ATP2B2: variants seen among roughly 807,000 people sequenced by gnomAD.
ATP2B2 encodes ATPase plasma membrane Ca2+ transporting 2, also known as plasma membrane calcium-transporting ATPase 2.
A neutral mutation model predicts 120.0 loss-of-function variants in ATP2B2; 15 were observed. The observed-to-expected ratio is 0.12, with a 90% confidence interval of 0.08 to 0.19. The LOEUF is 0.19. ATP2B2 is among the 10% of genes least tolerant of loss of function. The pLI, the probability that ATP2B2 is intolerant of heterozygous loss-of-function variation, is 1.00. For synonymous variants in ATP2B2, 694 were observed against 700.3 expected, an observed-to-expected ratio of 0.99 and a Z score of 0.14; for missense variants, 1,045 against 1,719.8, an observed-to-expected ratio of 0.61 and a Z score of 6.94.
chr3:10,541,045 T>C (rs1307653960), intron 2 of ATP2B2, among the ~76,000 whole-genome samples: 1 of 152,188 alleles, frequency 6.6e-6, no homozygotes, highest in Non-Finnish European at 1.5e-5. Context: ...TAAATTTATA[T>C]GTGCAGAGTT....
intron 3 of ATP2B2, among the ~76,000 whole-genome samples, chr3:10,531,878 G>A (rs34004843): frequency 0.013 from 1,937 of 152,142 alleles, 31 homozygotes; most frequent in Admixed American, 0.042. Flanking sequence ...GTCCTCCATC[G>A]CTGCCCTTGG....
intron 1 of ATP2B2, among the ~76,000 whole-genome samples, chr3:10,478,780 T>C (rs1440655001): frequency 6.6e-6 from 1 of 152,256 alleles, no homozygotes; most frequent in African/African-American, 2.4e-5. Context: ...AGGTGACTGC[T>C]GTGGCCTCTA....
chr3:10,360,770 A>G (rs758263329), intron 12 of ATP2B2, among the ~76,000 whole-genome samples: 1 of 152,226 alleles, frequency 6.6e-6, no homozygotes, highest in Non-Finnish European at 1.5e-5. Context: ...CCGGCTTTAC[A>G]TGAGCTTGTG....
At chr3:10,550,534 G>A (rs1489602565) in intron 2 of ATP2B2, among the ~76,000 whole-genome samples, 3 of 152,030 alleles carry the variant, frequency 2.0e-5, no homozygotes, top group Non-Finnish European at 4.4e-5. Flanking sequence ...AAGGTCTAGT[G>A]CCCTCTGAAG....
intron 22 of ATP2B2, among the ~76,000 whole-genome samples, chr3:10,337,811 C>T (rs529839837): frequency 2.6e-5 from 4 of 152,112 alleles, no homozygotes; most frequent in East Asian, 1.9e-4. Flanking sequence ...CAGCCTCACA[C>T]GGCCCCTGTG....
chr3:10,655,737 T>C (rs1055832233), intron 1 of ATP2B2, among the ~76,000 whole-genome samples: 7 of 152,200 alleles, frequency 4.6e-5, no homozygotes, highest in African/African-American at 1.7e-4. Flanking sequence ...TTCTCTCTAT[T>C]TCTTCCTACT....
intron 1 of ATP2B2, among the ~76,000 whole-genome samples, chr3:10,697,464 G>A (rs978552823): frequency 6.6e-6 from 1 of 152,158 alleles, no homozygotes; most frequent in African/African-American, 2.4e-5. Context: ...ATAAGTATAA[G>A]GACAATACCC....
intron 22 of ATP2B2, among the ~76,000 whole-genome samples, chr3:10,333,877 T>A (rs749563944): frequency 2.0e-5 from 3 of 152,198 alleles, no homozygotes; most frequent in African/African-American, 7.2e-5. Flanking sequence ...TCCAAGACTG[T>A]TCCAAAGTTG....
intron 1 of ATP2B2, among the ~76,000 whole-genome samples, chr3:10,665,823 G>A (rs979141354): frequency 2.0e-5 from 3 of 152,264 alleles, no homozygotes; most frequent in African/African-American, 7.2e-5. Context: ...ATCAGAGCTG[G>A]CAGCAGAGGG....
Position 10,328,296 on chromosome 3 carries a change from T to C in ATP2B2, c.*518A>G, listed in dbSNP as rs1295121110. The C allele has an allele frequency of 6.5e-6, 1 of 154,204 alleles. No individual in the cohort carries two copies. Among genetic ancestry groups the C allele is most frequent in the Non-Finnish European group, 1.4e-5 (1 of 69,210 alleles). The allele number at this position is 154,204 out of a possible 1,614,324, so 9.6% of individuals were successfully genotyped here. A position where few individuals can be genotyped will look rare whatever the true frequency, so the allele number is the denominator to read the frequency against. On this transcript the variant is annotated 3_prime_UTR_variant, in exon 23 of 23. Transcript: ENST00000360273. ...AAGCTCTGCAATTTCAAAAAGTTAT[T>C]AAATTAATCTATACAACTGAGACCA... is the stretch of plus-strand genomic sequence containing the variant.
At chr3:10,431,064 G>A (rs2063300630) in intron 2 of ATP2B2, among the ~76,000 whole-genome samples, 1 of 152,060 alleles carries the variant, frequency 6.6e-6, no homozygotes, top group Non-Finnish European at 1.5e-5. Context: ...GTGAATTGCT[G>A]CAATCTTGTG....
intron 2 of ATP2B2, among the ~76,000 whole-genome samples, chr3:10,570,742 A>G (rs1158487153): frequency 6.6e-6 from 1 of 152,140 alleles, no homozygotes; most frequent in African/African-American, 2.4e-5. Context: ...ACCCAGCCCA[A>G]AACTCCATTG....
At chr3:10,457,034 G>T (rs1425948282) in intron 1 of ATP2B2, among the ~76,000 whole-genome samples, 1 of 152,222 alleles carries the variant, frequency 6.6e-6, no homozygotes, top group Non-Finnish European at 1.5e-5. Context: ...GCACGTGTGT[G>T]TAAGGAGGGA....
At chr3:10,395,317 C>T (rs1279272740) in intron 5 of ATP2B2, among the ~76,000 whole-genome samples, 1 of 152,208 alleles carries the variant, frequency 6.6e-6, no homozygotes, top group Non-Finnish European at 1.5e-5. Context: ...CCACATGGAT[C>T]CTGGCCTGGA....
Position 10,325,328 on chromosome 3 carries a change from C to A in ATP2B2, c.*3486G>T, listed in dbSNP as rs1274544520. On this transcript the variant is annotated 3_prime_UTR_variant, in exon 23 of 23. Transcript: ENST00000360273. ...AAGAGTGAAGGGACTCATCCCACCA[C>A]ATAATAAGACATTAGAAATTGACAA... 6.6e-6 allele frequency: 1 copy of A among 152,148 alleles called. No individual in the cohort carries two copies. Among genetic ancestry groups the A allele is most frequent in the African/African-American group, 2.4e-5 (1 of 41,410 alleles). The allele number at this position is 152,148 out of a possible 1,614,324, so 9.4% of individuals were successfully genotyped here. A position where few individuals can be genotyped will look rare whatever the true frequency, so the allele number is the denominator to read the frequency against.
rs533717030 is a variant in ATP2B2 at position 10,415,047 on chromosome 3, A to G, written c.200-4232T>C. On this transcript the variant is annotated intron_variant, in intron 2 of 22. Transcript: ENST00000360273. The stretch of plus-strand genomic sequence containing the variant: ...TCACTCCCCTCTTCTCAGTGGAAGA[A>G]CAGCCAAGCCGGAGCTGAGGAAACC... 2.0e-5 allele frequency among the ~76,000 whole-genome samples: 3 copies of G among 152,290 alleles called. No homozygotes were observed. In the East Asian group the frequency reaches 5.8e-4, roughly 29 times the overall value.
intron 2 of ATP2B2, among the ~76,000 whole-genome samples, chr3:10,547,086 G>A (rs560411255): frequency 1.3e-5 from 2 of 152,266 alleles, no homozygotes; most frequent in East Asian, 1.9e-4. Flanking sequence ...TGTGCCCTCC[G>A]AGACTTTACT....
intron 2 of ATP2B2, among the ~76,000 whole-genome samples, chr3:10,605,476 C>T (rs2125597916): frequency 6.6e-6 from 1 of 152,204 alleles, no homozygotes; most frequent in East Asian, 1.9e-4. Flanking sequence ...AAGTCATGGA[C>T]CAGAGAGGGC....
At chr3:10,704,826 T>C (rs1056570155) in intron 1 of ATP2B2, among the ~76,000 whole-genome samples, 2 of 152,220 alleles carry the variant, frequency 1.3e-5, no homozygotes, top group South Asian at 4.1e-4. Flanking sequence ...AACAGATTTA[T>C]ATGACAACAG....
Sources: gnomAD v4.1 joint callset for allele counts (sites outside exome capture counted in the v4.1 genomes callset) on GRCh38, gnomAD v4.1.1 for gene constraint, MANE v1.5 for transcripts, NCBI Gene and HGNC (gene_info 2026-07-23, HGNC 2026-07-21) for gene names.